Variants in HS6ST3 observed in about 807,000 individuals in gnomAD.
HS6ST3 encodes the protein heparan sulfate 6-O-sulfotransferase 3.
HS6ST3 carries 12 observed loss-of-function variants against 36.7 expected under a neutral mutation model. The observed-to-expected ratio is 0.33, with a 90% CI of 0.21 to 0.53. The LOEUF is 0.53. Among genes scored for constraint, HS6ST3 ranks in the 20% least tolerant of loss-of-function variants. HS6ST3 has a pLI of 0.95. For synonymous variants in HS6ST3, 240 were observed against 257.5 expected, an observed-to-expected ratio of 0.93 and a Z score of 0.65; for missense variants, 584 against 640.9, an observed-to-expected ratio of 0.91 and a Z score of 0.96.
At chr13:96,248,104 C>T (rs114234250) in intron 1 of HS6ST3, among the ~76,000 whole-genome samples, 272 of 152,226 alleles carry the variant, frequency 1.8e-3, no homozygotes, top group African/African-American at 6.1e-3. Flanking sequence ...AGTTTGTAAA[C>T]TCTCATTATT....
intron 1 of HS6ST3, among the ~76,000 whole-genome samples, chr13:96,284,270 A>G (rs1397393642): frequency 6.6e-6 from 1 of 152,158 alleles, no homozygotes; most frequent in Non-Finnish European, 1.5e-5. Flanking sequence ...ATTGACTCAC[A>G]CAATCACAGG....
At chr13:96,677,725 A>G (rs984538824) in intron 1 of HS6ST3, among the ~76,000 whole-genome samples, 11 of 152,102 alleles carry the variant, frequency 7.2e-5, no homozygotes, top group African/African-American at 2.4e-4. Context: ...TCTTATATTT[A>G]TCTTATGACA....
At chr13:96,130,563 A>T (rs940450243) in intron 1 of HS6ST3, among the ~76,000 whole-genome samples, 4 of 152,210 alleles carry the variant, frequency 2.6e-5, no homozygotes, top group Non-Finnish European at 5.9e-5. Context: ...ATCTCAAGAC[A>T]TGGGGTGAAT....
At chr13:96,802,346 A>G (rs560593046) in intron 1 of HS6ST3, among the ~76,000 whole-genome samples, 7 of 152,340 alleles carry the variant, frequency 4.6e-5, no homozygotes, top group African/African-American at 1.7e-4. Flanking sequence ...CTCTCAAGGA[A>G]TAATTCAGGC....
chr13:96,521,445 G>A (rs1295409225), intron 1 of HS6ST3, among the ~76,000 whole-genome samples: 2 of 152,182 alleles, frequency 1.3e-5, no homozygotes, highest in Non-Finnish European at 1.5e-5. Flanking sequence ...CTCTTTGTAC[G>A]TCTTGTAGAA....
chr13:96,390,496 C>T (rs2139451325), intron 1 of HS6ST3, among the ~76,000 whole-genome samples: 1 of 152,314 alleles, frequency 6.6e-6, no homozygotes, highest in Middle Eastern at 3.4e-3. Context: ...GTCTACCAGT[C>T]CCTTGGTCCT....
At chr13:96,574,483 G>T (rs963480958) in intron 1 of HS6ST3, 1 of 427,446 alleles carries the variant, frequency 2.3e-6, no homozygotes, top group Non-Finnish European at 4.2e-6. Context: ...TTCATGCCCC[G>T]CCCCCTACAA....
intron 1 of HS6ST3, among the ~76,000 whole-genome samples, chr13:96,255,138 G>A (rs1188024300): frequency 6.6e-6 from 1 of 152,220 alleles, no homozygotes; most frequent in African/African-American, 2.4e-5. Context: ...GCTGGAACAA[G>A]GTTAGGCATT....
At chr13:96,728,663 A>G (rs2138474775) in intron 1 of HS6ST3, among the ~76,000 whole-genome samples, 1 of 152,314 alleles carries the variant, frequency 6.6e-6, no homozygotes, top group African/African-American at 2.4e-5. Context: ...ACAAGCTCAA[A>G]TGTAGAAAGG....
chr13:96,554,349 TTATA>T (rs1379906286), intron 1 of HS6ST3, among the ~76,000 whole-genome samples: 1 of 152,168 alleles, frequency 6.6e-6, no homozygotes, highest in African/African-American at 2.4e-5. Context: ...AAAAATGGTA[TTATA>T]CATAGGACAG....
intron 1 of HS6ST3, among the ~76,000 whole-genome samples, chr13:96,740,445 A>G (rs775647854): frequency 2.6e-5 from 4 of 152,206 alleles, no homozygotes; most frequent in Non-Finnish European, 2.9e-5. Context: ...TGCTTGTGTT[A>G]TATATTTAAA....
intron 1 of HS6ST3, among the ~76,000 whole-genome samples, chr13:96,319,798 T>C (rs2054994801): frequency 6.6e-6 from 1 of 152,236 alleles, no homozygotes; most frequent in South Asian, 2.1e-4. Flanking sequence ...AGCAGGTGCA[T>C]TTCAGGATTT....
intron 1 of HS6ST3, among the ~76,000 whole-genome samples, chr13:96,463,128 G>A (rs1003901223): frequency 7.9e-5 from 12 of 152,146 alleles, no homozygotes; most frequent in Non-Finnish European, 1.2e-4. Context: ...GTAACTAGAC[G>A]AACTGTTTTT....
chr13:96,394,083 T>A (rs752754624), intron 1 of HS6ST3, among the ~76,000 whole-genome samples: 7 of 152,226 alleles, frequency 4.6e-5, no homozygotes, highest in Non-Finnish European at 1.0e-4. Flanking sequence ...TATGCTTTTT[T>A]CAGTATTCTC....
At chr13:96,418,386 T>G (rs754647785) in intron 1 of HS6ST3, among the ~76,000 whole-genome samples, 4 of 152,192 alleles carry the variant, frequency 2.6e-5, no homozygotes, top group Non-Finnish European at 5.9e-5. Context: ...AGATACAAAA[T>G]CTGCAAATTG....
At chr13:96,685,557 C>CT (rs774660715) in intron 1 of HS6ST3, among the ~76,000 whole-genome samples, 17 of 152,190 alleles carry the variant, frequency 1.1e-4, no homozygotes, top group Non-Finnish European at 4.4e-5. Context: ...AGCTAACACA[C>CT]TGACACAGTT....
rs543931919 is a variant in HS6ST3, at chr13:96,351,592, A to G, written c.707+260023A>G. 6.6e-5 allele frequency among the ~76,000 whole-genome samples: 10 copies of G among 152,252 alleles called. No homozygotes were observed. The South Asian group carries it at 1.9e-3, about 28-fold the overall frequency. On this transcript the variant is annotated intron_variant, in intron 1 of 1. Transcript: ENST00000376705. ...CTCCCAAAGTGCTGGGATTACAGGT[A>G]TGAGCCACCATGCCTGGTTGGTGAC... is the stretch of plus-strand genomic sequence containing the variant.
At chr13:96,329,118 C>G (rs2055050100) in intron 1 of HS6ST3, among the ~76,000 whole-genome samples, 2 of 149,550 alleles carry the variant, frequency 1.3e-5, no homozygotes, top group Non-Finnish European at 3.0e-5. Flanking sequence ...TTTGTTGATC[C>G]TTTCAAAAAA....
intron 1 of HS6ST3, among the ~76,000 whole-genome samples, chr13:96,396,326 G>C (rs2055421404): frequency 6.6e-6 from 1 of 151,774 alleles, no homozygotes; most frequent in South Asian, 2.1e-4. Context: ...TTGTTTGTTT[G>C]TTTGTTTGTT....
Sources: gnomAD v4.1 joint callset for allele counts (sites outside exome capture counted in the v4.1 genomes callset) on GRCh38, gnomAD v4.1.1 for gene constraint, MANE v1.5 for transcripts, NCBI Gene and HGNC (gene_info 2026-07-23, HGNC 2026-07-21) for gene names.